SIM2: variants seen among roughly 807,000 people sequenced by gnomAD.
SIM2 encodes SIM bHLH transcription factor 2, also known as single-minded homolog 2.
In SIM2, 28 loss-of-function variants were observed where a neutral mutation model predicts 64.8. The ratio of observed to expected loss-of-function variants is 0.43; its 90% CI spans 0.32 to 0.59. SIM2 has a LOEUF of 0.59. Among genes scored for constraint, SIM2 ranks in the 20% least tolerant of loss-of-function variants. SIM2 has a pLI of 0.07. For missense variants in SIM2, 847 were observed against 871.4 expected, an observed-to-expected ratio of 0.97 and a Z score of 0.35; for synonymous variants, 408 against 391.1, an observed-to-expected ratio of 1.04 and a Z score of -0.51.
chr21:36,712,459 G>C, intron 2 of SIM2, 74 bp from the exon 3 acceptor site: 2 of 1,014,184 alleles, frequency 2.0e-6, no homozygotes, highest in Non-Finnish European at 3.1e-6. Context: ...CTCCATCCCA[G>C]TGACTGTACC....
intron 7 of SIM2, among the ~76,000 whole-genome samples, chr21:36,732,688 T>C (rs1033987231): frequency 1.3e-5 from 2 of 152,226 alleles, no homozygotes; most frequent in East Asian, 1.9e-4. Flanking sequence ...CATGATCTCA[T>C]AACCATCTCT....
intron 7 of SIM2, among the ~76,000 whole-genome samples, chr21:36,731,542 T>G (rs921047011): frequency 2.6e-5 from 4 of 152,150 alleles, no homozygotes; most frequent in Admixed American, 2.6e-4. Context: ...ACCAGCCCAG[T>G]GAGGGAGGGT....
In SIM2 at chr21:36,741,669, G is replaced by C. The variant is rs772327630; in HGVS notation, c.851-48G>C. On this transcript the variant is annotated intron_variant, in intron 7 of 10. Coordinates refer to ENST00000290399, the MANE Select transcript of SIM2 (RefSeq NM_005069.6). ...CACCGTTGGGGGCAGCATCCCAGAG[G>C]TGGGGCCTGCGAAGCGTCTGAGGAC... The C allele has an allele frequency of 3.1e-6, 5 of 1,601,114 alleles. No individual in the cohort carries two copies. In the South Asian group the frequency reaches 5.6e-5, roughly 18 times the overall value.
In SIM2 at chr21:36,738,506, C is replaced by CA. The variant is rs939963374; in HGVS notation, c.851-3202dup. On this transcript the variant is annotated intron_variant, in intron 7 of 10. Transcript: ENST00000290399. ...GGTGGCAAAGCCAAGACTCCGTCTC[C>CA]AAAAAAAAAGTAATGGCAAAAATCG... 1.2e-4 allele frequency among the ~76,000 whole-genome samples: 18 copies of CA among 151,104 alleles called. No homozygotes were observed. The South Asian group carries it at 1.5e-3, about 12-fold the overall frequency.
At chr21:36,709,022 G>A (rs2088631700) in intron 1 of SIM2, 146 bp from the exon 2 acceptor site, 2 of 645,528 alleles carry the variant, frequency 3.1e-6, no homozygotes, top group Non-Finnish European at 5.3e-6. Context: ...CACAGATGGC[G>A]GCTGCGGAGC....
intron 3 of SIM2, among the ~76,000 whole-genome samples, chr21:36,715,745 G>T (rs2088738344): frequency 6.6e-6 from 1 of 152,086 alleles, no homozygotes; most frequent in Non-Finnish European, 1.5e-5. Flanking sequence ...TTTGTTTTTG[G>T]TCTAACCTCT....
chr21:36,740,105 T>C (rs1161476851), intron 7 of SIM2, among the ~76,000 whole-genome samples: 1 of 151,352 alleles, frequency 6.6e-6, no homozygotes, highest in Non-Finnish European at 1.5e-5. Context: ...CCTGTTGGCC[T>C]TTCATTTTTT....
rs368795777 is a variant in SIM2, at chr21:36,733,711, C to T, written c.850+2560C>T. The stretch of plus-strand genomic sequence containing the variant: ...AGTAGCTGGGACTACAGGCGCCCGC[C>T]AGCAAGCCTGGCTAATTTTTTTTGT... On this transcript the variant is annotated intron_variant, in intron 7 of 10. Transcript: ENST00000290399. 1.4e-4 allele frequency among the ~76,000 whole-genome samples: 21 copies of T among 152,156 alleles called. No individual in the cohort carries two copies. The South Asian group carries it at 4.1e-3, about 30-fold the overall frequency.
chr21:36,734,789 T>A (rs1327542214), intron 7 of SIM2, among the ~76,000 whole-genome samples: 1 of 152,196 alleles, frequency 6.6e-6, no homozygotes, highest in Non-Finnish European at 1.5e-5. Context: ...GGGGTCTTCA[T>A]GGTATGGAGC....
chr21:36,704,833 C>T (rs927480795), intron 1 of SIM2, among the ~76,000 whole-genome samples: 1 of 152,212 alleles, frequency 6.6e-6, no homozygotes, highest in African/African-American at 2.4e-5. Context: ...CTTGGGGCGT[C>T]CCCACGACCA....
chr21:36,736,402 G>A (rs1034960739), intron 7 of SIM2, among the ~76,000 whole-genome samples: 1 of 152,198 alleles, frequency 6.6e-6, no homozygotes, highest in Non-Finnish European at 1.5e-5. Flanking sequence ...GGTGGTCCGG[G>A]AGGGCCAGAC....
intron 1 of SIM2, among the ~76,000 whole-genome samples, chr21:36,704,621 G>A (rs1373629034): frequency 2.6e-5 from 4 of 152,228 alleles, no homozygotes; most frequent in Non-Finnish European, 5.9e-5. Flanking sequence ...CGGAAAGGGA[G>A]CCTCCGGGCG....
At chr21:36,742,001 ATTT>A in intron 8 of SIM2, 137 bp downstream of exon 8, 1 of 798,832 alleles carries the variant, frequency 1.3e-6, no homozygotes, top group Non-Finnish European at 1.7e-6. Context: ...CTTTTTTTTA[ATTT>A]TTTTTTTTTA....
chr21:36,728,475 G>A (rs967342348), intron 6 of SIM2, among the ~76,000 whole-genome samples: 1 of 152,222 alleles, frequency 6.6e-6, no homozygotes, highest in African/African-American at 2.4e-5. Context: ...GGGCTCCCGC[G>A]TCTCAGGGTG....
Position 36,741,778 on chromosome 21 carries a change from G to A in SIM2, c.912G>A (p.Trp304Ter). The A allele has an allele frequency of 6.2e-7, 1 of 1,613,130 alleles. No homozygotes were observed. Among genetic ancestry groups the A allele is most frequent in the South Asian group, 1.1e-5 (1 of 90,876 alleles). The change falls in exon 8 of 11, where the codon TGG becomes TGA. Residue 304 changes from tryptophan (W) to a stop codon, truncating the protein, a stop_gained. Transcript: ENST00000290399. LOFTEE classifies it high-confidence loss of function. ...GGCTGCTGTCCAAGCGGGGCGGCTG[G>A]GTGTGGGTGCAGAGCTACGCCACCG... The part of the protein sequence containing the change: ...YYRLLSKRGG[W>*]VWVQSYATVV...
chr21:36,716,896 CAG>C (rs1189111650), intron 3 of SIM2, among the ~76,000 whole-genome samples: 1 of 151,298 alleles, frequency 6.6e-6, no homozygotes, highest in Non-Finnish European at 1.5e-5. Context: ...ACATTTCTCT[CAG>C]TGTTCAAAAG....
intron 1 of SIM2, among the ~76,000 whole-genome samples, chr21:36,704,304 G>A (rs1037198250): frequency 6.6e-5 from 10 of 152,226 alleles, no homozygotes; most frequent in African/African-American, 2.4e-4. Context: ...ACCCCTCAGG[G>A]CGTCAGAGAT....
At position 36,745,347 on chromosome 21, in the gene SIM2, G is replaced by A; in HGVS notation, c.1576+211G>A. ...GAAATGGCAGTCTGCCTGCCTCGGG[G>A]ACACTAGTGACAGTATAAAGGGCAA... On this transcript the variant is annotated intron_variant, in intron 10 of 10. Transcript: ENST00000290399. The surrounding 1 kb of genome is among the most constrained non-coding windows in gnomAD (Gnocchi z 4.8). 1 of 1,431,138 alleles carries A rather than the reference G, an allele frequency of 7.0e-7. No homozygotes were observed. The highest frequency in any genetic ancestry group is 1.5e-5 in the South Asian group (1 of 65,968). The allele number at this position is 1,431,138 out of a possible 1,614,324, so 88.7% of individuals were successfully genotyped here.
intron 1 of SIM2, among the ~76,000 whole-genome samples, chr21:36,708,354 CCT>C (rs2088618920): frequency 3.3e-5 from 5 of 152,236 alleles, no homozygotes; most frequent in Admixed American, 3.3e-4. Flanking sequence ...CGGGCAGGTC[CCT>C]CTTTCCCCTG....
Sources: gnomAD v4.1 joint callset for allele counts (sites outside exome capture counted in the v4.1 genomes callset) on GRCh38, gnomAD v4.1.1 for gene constraint, Gnocchi (gnomAD v3.1) non-coding constraint, MANE v1.5 for transcripts, NCBI Gene and HGNC (gene_info 2026-07-23, HGNC 2026-07-21) for gene names.